PCDH15: variants seen among roughly 807,000 people sequenced by gnomAD.
PCDH15 encodes the protein protocadherin related 15.
PCDH15 carries 129 observed loss-of-function variants against 178.5 expected under a neutral mutation model. The ratio of observed to expected loss-of-function variants is 0.72; its 90% CI spans 0.63 to 0.84. The LOEUF is 0.84. Ranked by LOEUF, PCDH15 falls within the 40% of genes least tolerant of loss-of-function variation. The pLI is 0.00. For missense variants in PCDH15, 2,230 were observed against 2,099.9 expected, an observed-to-expected ratio of 1.06 and a Z score of -1.21; for synonymous variants, 800 against 732.0, an observed-to-expected ratio of 1.09 and a Z score of -1.50.
rs1028363376 is a variant in PCDH15, at chr10:55,460,056, G to C, written c.-156+167569C>G. ...GAACAGAACCCCACAGAACAAAAGTGATTGTGGAATGTGAAGAAAACAGGA... is the reference window on the plus strand; with the variant it reads ...GAACAGAACCCCACAGAACAAAAGTCATTGTGGAATGTGAAGAAAACAGGA... On this transcript the variant is annotated intron_variant, in intron 2 of 5. Coordinates refer to the PCDH15 transcript ENST00000613346. 3.3e-5 allele frequency among the ~76,000 whole-genome samples: 5 copies of C among 151,950 alleles called. No individual in the cohort carries two copies. In the East Asian group the frequency reaches 9.7e-4, roughly 29 times the overall value.
At chr10:53,827,076 A>ATT (rs1395676875) in intron 32 of PCDH15, among the ~76,000 whole-genome samples, 2 of 151,636 alleles carry the variant, frequency 1.3e-5, no homozygotes, top group African/African-American at 2.4e-5. Context: ...ATACATATAC[A>ATT]TTATATATAT....
At chr10:54,800,027 T>G (rs1293916270) in intron 1 of PCDH15, among the ~76,000 whole-genome samples, 2 of 152,134 alleles carry the variant, frequency 1.3e-5, no homozygotes, top group African/African-American at 4.8e-5. Context: ...GACAATTGGC[T>G]CTTTTGTGAA....
At chr10:54,453,524 G>A (rs1226754884) in intron 3 of PCDH15, among the ~76,000 whole-genome samples, 1 of 151,956 alleles carries the variant, frequency 6.6e-6, no homozygotes, top group Non-Finnish European at 1.5e-5. Flanking sequence ...GGAGGGGGTA[G>A]GGATAGCATT....
intron 2 of PCDH15, among the ~76,000 whole-genome samples, chr10:54,620,799 C>A (rs576797317): frequency 4.6e-5 from 7 of 152,030 alleles, no homozygotes; most frequent in Non-Finnish European, 8.8e-5. Context: ...AAGAGGCAGT[C>A]TATGTTTCCA....
chr10:53,963,744 T>A (rs780932229), intron 21 of PCDH15, among the ~76,000 whole-genome samples: 1 of 152,156 alleles, frequency 6.6e-6, no homozygotes, highest in Admixed American at 6.5e-5. Context: ...CATTGATCCT[T>A]TCTCTTAAGC....
chr10:55,061,275 G>C (rs1841423074), intron 2 of PCDH15, among the ~76,000 whole-genome samples: 1 of 152,122 alleles, frequency 6.6e-6, no homozygotes, highest in Non-Finnish European at 1.5e-5. Flanking sequence ...CACCAAGGAA[G>C]ATACATAGTT....
intron 7 of PCDH15, among the ~76,000 whole-genome samples, chr10:54,329,078 G>A (rs1353200737): frequency 1.3e-5 from 2 of 151,816 alleles, no homozygotes; most frequent in Non-Finnish European, 2.9e-5. Context: ...TCAGTTATGG[G>A]AATATTAGCT....
At chr10:55,334,314 AT>A (rs11419000) in intron 2 of PCDH15, among the ~76,000 whole-genome samples, 1 of 119,596 alleles carries the variant, frequency 8.4e-6, no homozygotes, top group Non-Finnish European at 1.6e-5. Flanking sequence ...ATATATATAT[AT>A]TTTTTTTTTG....
chr10:54,105,309 TATATATATAC>T (rs1410107582), intron 15 of PCDH15, among the ~76,000 whole-genome samples: 860 of 81,488 alleles, frequency 0.011, 13 homozygotes, highest in African/African-American at 0.059. Context: ...TATATATATA[TATATATATAC>T]ACACACACAT....
chr10:54,522,672 C>T (rs1342405047), intron 3 of PCDH15, among the ~76,000 whole-genome samples: 1 of 152,132 alleles, frequency 6.6e-6, no homozygotes, highest in Non-Finnish European at 1.5e-5. Context: ...GATGCATCGC[C>T]AGTACCAGAA....
intron 2 of PCDH15, among the ~76,000 whole-genome samples, chr10:55,417,263 T>C (rs1838506015): frequency 6.6e-6 from 1 of 151,538 alleles, no homozygotes; most frequent in Admixed American, 6.6e-5. Context: ...AAAATAAAAA[T>C]TCACCAAATC....
chr10:55,198,097 G>C (rs1433545053), intron 1 of PCDH15, among the ~76,000 whole-genome samples: 3 of 152,114 alleles, frequency 2.0e-5, no homozygotes, highest in Non-Finnish European at 4.4e-5. Context: ...ACCAAACAAC[G>C]ATCTGCAAAT....
intron 2 of PCDH15, among the ~76,000 whole-genome samples, chr10:55,151,961 G>A (rs1179565738): frequency 1.3e-5 from 2 of 151,976 alleles, no homozygotes; most frequent in East Asian, 1.9e-4. Flanking sequence ...AAGAAGTAAT[G>A]ACTGAGTTGA....
At chr10:54,948,462 C>A (rs1476829478) in intron 2 of PCDH15, among the ~76,000 whole-genome samples, 1 of 151,912 alleles carries the variant, frequency 6.6e-6, no homozygotes, top group Non-Finnish European at 1.5e-5. Context: ...ATATCCAGGA[C>A]AGCTAATGAG....
intron 9 of PCDH15, among the ~76,000 whole-genome samples, chr10:54,234,103 C>T (rs1170836061): frequency 6.8e-6 from 1 of 147,912 alleles, no homozygotes. Context: ...TGACAAAGTA[C>T]GTGAAGTCAG....
At chr10:53,938,686 C>CATCT (rs2085786491) in intron 25 of PCDH15, 129 bp downstream of exon 25, 2 of 982,072 alleles carry the variant, frequency 2.0e-6, no homozygotes, top group Admixed American at 2.1e-5. Flanking sequence ...AATAGGCAAT[C>CATCT]ATCTCAGAGT....
At chr10:54,879,203 T>C (rs1954213298) in intron 3 of PCDH15, among the ~76,000 whole-genome samples, 2 of 150,058 alleles carry the variant, frequency 1.3e-5, no homozygotes, top group South Asian at 2.1e-4. Flanking sequence ...TGTGTGTGTG[T>C]GCTTGTATGT....
chr10:54,232,924 C>CTTTTTTTTTTTTTT (rs762364718), intron 9 of PCDH15, among the ~76,000 whole-genome samples: 6 of 109,194 alleles, frequency 5.5e-5, no homozygotes, highest in African/African-American at 1.9e-4. Context: ...AGCTTTCTTT[C>CTTTTTTTTTTTTTT]TTTTTTTTTT....
At chr10:55,301,822 C>G (rs1435804247) in intron 1 of PCDH15, among the ~76,000 whole-genome samples, 1 of 152,050 alleles carries the variant, frequency 6.6e-6, no homozygotes, top group East Asian at 1.9e-4. Context: ...TTCAATTGCT[C>G]CAGCAAAATT....
Sources: gnomAD v4.1 joint callset for allele counts (sites outside exome capture counted in the v4.1 genomes callset) on GRCh38, gnomAD v4.1.1 for gene constraint, MANE v1.5 for transcripts, NCBI Gene and HGNC (gene_info 2026-07-23, HGNC 2026-07-21) for gene names.